Variants in NTM observed in about 807,000 individuals in gnomAD.
The protein encoded by NTM is neurotrimin.
In NTM, 13 loss-of-function variants were observed where a neutral mutation model predicts 42.1. The ratio of observed to expected loss-of-function variants is 0.31; its 90% CI spans 0.20 to 0.49. NTM has a LOEUF of 0.49. NTM is among the 20% of genes least tolerant of loss of function. NTM has a pLI of 0.99. For synonymous variants in NTM, 187 were observed against 179.2 expected, an observed-to-expected ratio of 1.04 and a Z score of -0.35; for missense variants, 373 against 452.8, an observed-to-expected ratio of 0.82 and a Z score of 1.60.
intron 2 of NTM, among the ~76,000 whole-genome samples, chr11:132,103,884 C>T (rs1055368236): frequency 2.0e-5 from 3 of 152,228 alleles, no homozygotes; most frequent in African/African-American, 7.2e-5. Context: ...GGGCAAATGC[C>T]TGTCCTCTCC....
intron 2 of NTM, among the ~76,000 whole-genome samples, chr11:131,972,076 G>A (rs1309369061): frequency 7.9e-6 from 1 of 125,936 alleles, no homozygotes; most frequent in Admixed American, 7.8e-5. Flanking sequence ...AGCCAGGTGT[G>A]GTGGCACACA....
At chr11:131,770,322 C>T (rs534429299) in intron 1 of NTM, among the ~76,000 whole-genome samples, 5 of 152,270 alleles carry the variant, frequency 3.3e-5, no homozygotes, top group South Asian at 2.1e-4. Flanking sequence ...AAAGGGAAGA[C>T]GAGGAGCTGT....
rs908464029 is a variant in NTM at position 132,002,524 on chromosome 11, G to A, written c.167+90876G>A. On this transcript the variant is annotated intron_variant, in intron 2 of 8. Coordinates refer to ENST00000683400, the MANE Select transcript of NTM (RefSeq NM_001352005.2). The surrounding 1 kb of genome is among the most constrained non-coding windows in gnomAD (Gnocchi z 4.5). ...ACAATTACTACTCTGCAAATACTAT[G>A]TAGAAGAATGAAATGATGTGTTGGT... Among the ~76,000 whole-genome samples, 1 of 152,196 alleles carries A rather than the reference G, an allele frequency of 6.6e-6. No individual in the cohort carries two copies. The highest frequency in any genetic ancestry group is 2.4e-5 in the African/African-American group (1 of 41,442).
At chr11:132,298,900 A>G (rs1023389803) in intron 4 of NTM, among the ~76,000 whole-genome samples, 2 of 152,234 alleles carry the variant, frequency 1.3e-5, no homozygotes, top group Non-Finnish European at 2.9e-5. Context: ...GTATACACAC[A>G]CACACACACA....
At chr11:132,238,839 C>G (rs2089619536) in intron 4 of NTM, among the ~76,000 whole-genome samples, 1 of 152,170 alleles carries the variant, frequency 6.6e-6, no homozygotes, top group Non-Finnish European at 1.5e-5. Flanking sequence ...GCTGAAAAGT[C>G]TTCATCTCTA....
At chr11:131,930,009 T>G (rs370768427) in intron 2 of NTM, among the ~76,000 whole-genome samples, 1 of 152,244 alleles carries the variant, frequency 6.6e-6, no homozygotes, top group South Asian at 2.1e-4. Flanking sequence ...ATATAATTAC[T>G]GTTCATTTGG....
chr11:132,133,251 C>T (rs2067160392), intron 2 of NTM, among the ~76,000 whole-genome samples: 1 of 152,146 alleles, frequency 6.6e-6, no homozygotes, highest in African/African-American at 2.4e-5. Context: ...AGGCTGGGTT[C>T]CTCCACACAC....
At chr11:132,011,106 T>C (rs538122172) in intron 2 of NTM, among the ~76,000 whole-genome samples, 2 of 152,122 alleles carry the variant, frequency 1.3e-5, no homozygotes, top group South Asian at 4.2e-4. Context: ...CTTATATGAT[T>C]AATATCCCTT....
chr11:131,774,210 C>A (rs979094806), intron 1 of NTM: 8 of 702,658 alleles, frequency 1.1e-5, no homozygotes, highest in African/African-American at 3.8e-5. Flanking sequence ...AGGCTTCTTA[C>A]CCCTCAGGCA....
intron 2 of NTM, among the ~76,000 whole-genome samples, chr11:132,139,203 G>T (rs1475670511): frequency 2.6e-5 from 4 of 152,262 alleles, no homozygotes; most frequent in African/African-American, 7.2e-5. Context: ...TCACCTAGGG[G>T]AAAAAGGCTC....
intron 2 of NTM, among the ~76,000 whole-genome samples, chr11:131,961,797 A>G (rs950190034): frequency 1.3e-5 from 2 of 152,130 alleles, no homozygotes; most frequent in African/African-American, 4.8e-5. Context: ...ATGCCATGCA[A>G]CCTTTCCCAC....
chr11:132,039,187 T>C (rs2076878746), intron 2 of NTM, among the ~76,000 whole-genome samples: 2 of 152,118 alleles, frequency 1.3e-5, no homozygotes, highest in Admixed American at 1.3e-4. Flanking sequence ...TCCCACCCAA[T>C]TGGACCGCAG....
intron 2 of NTM, among the ~76,000 whole-genome samples, chr11:132,045,517 T>C (rs1416360301): frequency 6.6e-6 from 1 of 152,224 alleles, no homozygotes; most frequent in Non-Finnish European, 1.5e-5. Flanking sequence ...CATACTAGTA[T>C]GGTCTTCCAT....
intron 1 of NTM, among the ~76,000 whole-genome samples, chr11:131,427,059 A>T (rs1948193659): frequency 6.6e-6 from 1 of 152,102 alleles, no homozygotes; most frequent in Non-Finnish European, 1.5e-5. Flanking sequence ...GCTGACCTTG[A>T]ATAAACGACA....
intron 1 of NTM, among the ~76,000 whole-genome samples, chr11:131,865,362 A>G (rs1190417318): frequency 1.3e-5 from 2 of 152,206 alleles, no homozygotes; most frequent in Non-Finnish European, 2.9e-5. Flanking sequence ...CAATGTGTGA[A>G]GTTGGGAGTG....
intron 8 of NTM, among the ~76,000 whole-genome samples, chr11:132,331,613 A>G (rs2095801565): frequency 6.6e-6 from 1 of 152,234 alleles, no homozygotes; most frequent in Non-Finnish European, 1.5e-5. Flanking sequence ...CCACGGGCCA[A>G]TGAGATACAG....
intron 2 of NTM, among the ~76,000 whole-genome samples, chr11:132,067,452 G>A (rs961386645): frequency 1.3e-5 from 2 of 152,182 alleles, no homozygotes; most frequent in Non-Finnish European, 2.9e-5. Context: ...TCTAGATCAG[G>A]TATGGGTGGT....
intron 2 of NTM, among the ~76,000 whole-genome samples, chr11:131,968,887 C>T (rs12789197): frequency 0.1 from 15,239 of 152,214 alleles, 811 homozygotes; most frequent in East Asian, 0.2. Flanking sequence ...TCTTACTGCA[C>T]TTTGGGCCAA....
intron 1 of NTM, among the ~76,000 whole-genome samples, chr11:131,378,378 G>C (rs1340341156): frequency 6.6e-6 from 1 of 152,178 alleles, no homozygotes; most frequent in African/African-American, 2.4e-5. Flanking sequence ...TATAGTTATT[G>C]ATAGGTAGTG....
Sources: gnomAD v4.1 joint callset for allele counts (sites outside exome capture counted in the v4.1 genomes callset) on GRCh38, gnomAD v4.1.1 for gene constraint, Gnocchi (gnomAD v3.1) non-coding constraint, MANE v1.5 for transcripts, NCBI Gene and HGNC (gene_info 2026-07-23, HGNC 2026-07-21) for gene names.